Variants in CACNA1C observed in about 807,000 individuals in gnomAD.
CACNA1C encodes calcium voltage-gated channel subunit alpha1 C.
A neutral mutation model predicts 229.0 loss-of-function variants in CACNA1C; 30 were observed. The ratio of observed to expected loss-of-function variants is 0.13; its 90% CI spans 0.10 to 0.18. The LOEUF is 0.18. Among genes scored for constraint, CACNA1C ranks in the 10% least tolerant of loss-of-function variants. The probability of loss-of-function intolerance (pLI) is 1.00; values close to 1 mark genes in which losing one functional copy is unlikely to be tolerated. For missense variants in CACNA1C, 1,658 were observed against 2,845.0 expected (o/e 0.58, Z 9.49); for synonymous variants, 1,114 against 1,132.5 (o/e 0.98, Z 0.33).
At chr12:2,563,638 T>A (rs557004733) in intron 11 of CACNA1C, among the ~76,000 whole-genome samples, 15 of 152,234 alleles carry the variant, frequency 9.9e-5, no homozygotes, top group African/African-American at 3.6e-4. Context: ...TTTAGCAAAG[T>A]CTTGGTAACA....
intron 3 of CACNA1C, among the ~76,000 whole-genome samples, chr12:2,283,811 G>A (rs2092066863): frequency 6.6e-6 from 1 of 152,220 alleles, no homozygotes; most frequent in East Asian, 1.9e-4. Flanking sequence ...GACATGCAGA[G>A]TAAAGTCCTT....
chr12:2,100,786 C>T (rs190947492), intron 1 of CACNA1C, among the ~76,000 whole-genome samples: 1 of 151,384 alleles, frequency 6.6e-6, no homozygotes, highest in East Asian at 2.0e-4. Flanking sequence ...GGGGCAGTGG[C>T]TCATACCTGT....
rs760297846 is a variant in CACNA1C at position 2,115,336 on chromosome 12, G to A, written c.162G>A (p.Ala54=). 26 of 1,585,384 alleles carry A rather than the reference G, an allele frequency of 1.6e-5. No homozygotes were observed. The highest frequency in any genetic ancestry group is 2.3e-5 in the South Asian group (2 of 87,956). Reference sequence around the variant, plus strand: ...CGGGGGCTGCCCTGTCGTGGCAGGCGGCCATCGACGCAGCCCGGCAGGCTA... The same window carrying A: ...CGGGGGCTGCCCTGTCGTGGCAGGCAGCCATCGACGCAGCCCGGCAGGCTA... ...PTPGAALSWQ[A]AIDAARQAKL... Residue 54 remains alanine (A), a synonymous_variant, in exon 2 of 47, where the codon GCG becomes GCA. Coordinates refer to ENST00000399655, the MANE Select transcript of CACNA1C (RefSeq NM_000719.7).
chr12:2,111,003 C>CACACCTGTCTCACCCGAGAGGCG (rs1417670574), intron 1 of CACNA1C, among the ~76,000 whole-genome samples: 1 of 152,018 alleles, frequency 6.6e-6, no homozygotes, highest in African/African-American at 2.4e-5. Context: ...CCCGAGAGGC[C>CACACCTGTCTCACCCGAGAGGCG]ATACCTGTCT....
At chr12:2,400,209 A>G (rs2098657821) in intron 3 of CACNA1C, among the ~76,000 whole-genome samples, 1 of 152,218 alleles carries the variant, frequency 6.6e-6, no homozygotes, top group Non-Finnish European at 1.5e-5. Context: ...AACATGGATC[A>G]CTGGTGGACC....
chr12:2,341,678 G>C (rs1386823544), intron 3 of CACNA1C, among the ~76,000 whole-genome samples: 1 of 152,244 alleles, frequency 6.6e-6, no homozygotes, highest in African/African-American at 2.4e-5. Context: ...CTGAGGGCAA[G>C]ACCAGGTTCA....
chr12:2,616,987 G>A (rs1379286090), intron 29 of CACNA1C, among the ~76,000 whole-genome samples: 1 of 152,378 alleles, frequency 6.6e-6, no homozygotes, highest in South Asian at 2.1e-4. Context: ...ATTTTCAGAG[G>A]ATCAGCTAAG....
At chr12:2,281,144 C>A (rs1402137565) in intron 3 of CACNA1C, among the ~76,000 whole-genome samples, 1 of 142,526 alleles carries the variant, frequency 7.0e-6, no homozygotes, top group Non-Finnish European at 1.5e-5. Context: ...TTAATCATCG[C>A]AGTTTGTCTT....
rs543759205 is a variant in CACNA1C, at chr12:2,200,393, G to A, written c.477+79963G>A. Among the ~76,000 whole-genome samples, 74 of 152,276 alleles carry A rather than the reference G, an allele frequency of 4.9e-4. 1 individual carries two copies. The highest frequency in any genetic ancestry group is 3.4e-3 in the Middle Eastern group (1 of 294). ...TTCCAGGGGCAGCTGTCAATGTCTAGGAACATTTTTGGTTGTCAGGGTGGG... is the reference window on the plus strand; with the variant it reads ...TTCCAGGGGCAGCTGTCAATGTCTAAGAACATTTTTGGTTGTCAGGGTGGG... On this transcript the variant is annotated intron_variant, in intron 3 of 46. Transcript: ENST00000399655.
At chr12:2,008,987 AG>A (rs2043943898) in intron 1 of CACNA1C, among the ~76,000 whole-genome samples, 1 of 152,210 alleles carries the variant, frequency 6.6e-6, no homozygotes, top group African/African-American at 2.4e-5. Flanking sequence ...ACTAAGTTGC[AG>A]GCTCGATATT....
At chr12:2,664,243 C>T (rs1262655380) in intron 34 of CACNA1C, among the ~76,000 whole-genome samples, 1 of 152,166 alleles carries the variant, frequency 6.6e-6, no homozygotes, top group African/African-American at 2.4e-5. Flanking sequence ...CACTAATGAA[C>T]TGATGAGTTT....
chr12:2,680,466 G>T, intron 42 of CACNA1C: 1 of 1,565,020 alleles, frequency 6.4e-7, no homozygotes, highest in East Asian at 2.4e-5. Context: ...TTCCCTGGCG[G>T]GGCTGAGAGA....
intron 3 of CACNA1C, among the ~76,000 whole-genome samples, chr12:2,448,011 A>AAGGCATCC (rs1195850497): frequency 1.3e-5 from 2 of 152,250 alleles, no homozygotes; most frequent in African/African-American, 2.4e-5. Flanking sequence ...GTGGAGCATG[A>AAGGCATCC]AGGCATCCAG....
intron 3 of CACNA1C, among the ~76,000 whole-genome samples, chr12:2,198,085 C>T (rs369208813): frequency 2.0e-5 from 3 of 152,328 alleles, no homozygotes; most frequent in South Asian, 2.1e-4. Flanking sequence ...AGAGGGTGAG[C>T]GGGCCTTGGA....
chr12:2,231,205 C>T (rs1231954687), intron 3 of CACNA1C, among the ~76,000 whole-genome samples: 4 of 152,170 alleles, frequency 2.6e-5, no homozygotes, highest in Non-Finnish European at 5.9e-5. Context: ...GCTGGAGACT[C>T]ATGAGGCCAG....
At chr12:2,347,119 C>A (rs755714273) in intron 3 of CACNA1C, among the ~76,000 whole-genome samples, 3 of 152,196 alleles carry the variant, frequency 2.0e-5, no homozygotes, top group Non-Finnish European at 4.4e-5. Flanking sequence ...AGGGCAGAGA[C>A]CAAGCCTTGC....
chr12:2,262,007 G>A (rs1351699760), intron 3 of CACNA1C, among the ~76,000 whole-genome samples: 1 of 152,254 alleles, frequency 6.6e-6, no homozygotes, highest in Non-Finnish European at 1.5e-5. Context: ...CCTTGGGAAG[G>A]CAGTGCCAGG....
At chr12:2,558,016 TC>T (rs1341857700) in intron 11 of CACNA1C, among the ~76,000 whole-genome samples, 1 of 152,248 alleles carries the variant, frequency 6.6e-6, no homozygotes, top group African/African-American at 2.4e-5. Context: ...TAATCTTGTT[TC>T]CCTAGCCCTA....
chr12:2,682,734 AG>A, intron 43 of CACNA1C, 56 bp downstream of exon 43: 1 of 1,560,862 alleles, frequency 6.4e-7, no homozygotes, highest in African/African-American at 1.4e-5. Context: ...AAATGTGGGG[AG>A]GCAGAGGCAG....
Sources: allele counts gnomAD v4.1 joint callset (sites outside exome capture counted in the v4.1 genomes callset), GRCh38; gene constraint gnomAD v4.1.1; transcripts MANE v1.5; gene names NCBI Gene and HGNC (gene_info 2026-07-23, HGNC 2026-07-21).